The following MED13L variants were observed in gnomAD, a reference collection of about 807,000 sequenced individuals.
The protein encoded by MED13L is mediator of RNA polymerase II transcription subunit 13-like.
In MED13L, 7 loss-of-function variants were observed where a neutral mutation model predicts 220.9. The observed-to-expected ratio is 0.03, with a 90% CI of 0.02 to 0.06. MED13L has a LOEUF of 0.06. Among genes scored for constraint, MED13L ranks in the 10% least tolerant of loss-of-function variants. The pLI is 1.00. For synonymous variants in MED13L, 1,011 were observed against 1,015.2 expected, an observed-to-expected ratio of 1.00 and a Z score of 0.08; for missense variants, 1,965 against 2,760.5, an observed-to-expected ratio of 0.71 and a Z score of 6.46.
At chr12:116,103,655 C>T (rs1418949034) in intron 3 of MED13L, among the ~76,000 whole-genome samples, 1 of 152,186 alleles carries the variant, frequency 6.6e-6, no homozygotes, top group Non-Finnish European at 1.5e-5. Context: ...TAAATAGCTA[C>T]ACAGACTGAT....
chr12:116,072,805 A>G (rs1410199116), intron 4 of MED13L, among the ~76,000 whole-genome samples: 1 of 152,230 alleles, frequency 6.6e-6, no homozygotes, highest in East Asian at 1.9e-4. Context: ...TGAATTAAAT[A>G]CTGTAGTGCT....
chr12:116,109,962 A>G (rs554800292), intron 3 of MED13L, among the ~76,000 whole-genome samples: 1 of 152,322 alleles, frequency 6.6e-6, no homozygotes, highest in East Asian at 1.9e-4. Context: ...CAAGTGTCCT[A>G]AGCAGTTGTA....
intron 1 of MED13L, among the ~76,000 whole-genome samples, chr12:116,256,927 G>C (rs369871109): frequency 3.9e-5 from 6 of 151,956 alleles, no homozygotes; most frequent in African/African-American, 1.4e-4. Flanking sequence ...CGCCCACCTC[G>C]GCCTCCCAAA....
At chr12:116,180,806 C>CTA (rs1334697908) in intron 2 of MED13L, among the ~76,000 whole-genome samples, 1 of 152,118 alleles carries the variant, frequency 6.6e-6, no homozygotes, top group Non-Finnish European at 1.5e-5. Flanking sequence ...AGTAAGATAT[C>CTA]TAAAGTATCA....
chr12:116,276,718 AAAAAAGGGGGGAAAGGGGAGGAGAAGGGG>A, intron 1 of MED13L: 1 of 952,038 alleles, frequency 1.1e-6, no homozygotes, highest in Non-Finnish European at 1.4e-6. Flanking sequence ...TACGGGGGGA[AAAAAAGGGGGGAAAGGGGAGGAGAAGGGG>A]AGTGCGATTG....
Position 116,277,260 on chromosome 12 carries a change from G to A in MED13L, c.-129C>T, listed in dbSNP as rs967811121. 4.0e-5 allele frequency: 10 copies of A among 247,216 alleles called. No homozygotes were observed. Among genetic ancestry groups the A allele is most frequent in the African/African-American group, 1.9e-4 (8 of 42,314 alleles). 15.3% of individuals were successfully genotyped at this position (247,216 alleles called of 1,614,324 possible). A position where few individuals can be genotyped will look rare whatever the true frequency, so the allele number is the denominator to read the frequency against. ...CGGGCCGCCGCCGCCGCCGGGGGAG[G>A]GCGCGAGGGCCGGCGGGCAGGCGGG... On this transcript the variant is annotated 5_prime_UTR_variant, in exon 1 of 31. Transcript: ENST00000281928.
intron 2 of MED13L, among the ~76,000 whole-genome samples, chr12:116,155,503 G>A (rs1221902793): frequency 6.6e-6 from 1 of 152,066 alleles, no homozygotes; most frequent in African/African-American, 2.4e-5. Context: ...AACGATGAAA[G>A]GTCAACAGTC....
chr12:116,110,118 C>T (rs1485024981), intron 3 of MED13L: 1 of 152,132 alleles, frequency 6.6e-6, no homozygotes, highest in East Asian at 1.9e-4. Flanking sequence ...CCCATTCTTT[C>T]TCATCCACTT....
intron 4 of MED13L, among the ~76,000 whole-genome samples, chr12:116,049,178 A>G (rs1477855300): frequency 1.3e-5 from 2 of 152,186 alleles, no homozygotes; most frequent in African/African-American, 2.4e-5. Flanking sequence ...ACAAAGACAC[A>G]ACTGAAATCA....
chr12:115,990,324 G>A (rs1311567282), intron 17 of MED13L, among the ~76,000 whole-genome samples: 1 of 152,196 alleles, frequency 6.6e-6, no homozygotes, highest in Non-Finnish European at 1.5e-5. Context: ...AATAATATGC[G>A]TGCTTGTGTA....
chr12:116,034,091 T>C (rs1478318867), intron 4 of MED13L, among the ~76,000 whole-genome samples: 2 of 152,064 alleles, frequency 1.3e-5, no homozygotes, highest in Non-Finnish European at 2.9e-5. Flanking sequence ...TATTTATATT[T>C]TCCATGAAAT....
At chr12:116,087,533 T>A (rs771715572) in intron 4 of MED13L, among the ~76,000 whole-genome samples, 15 of 152,144 alleles carry the variant, frequency 9.9e-5, no homozygotes, top group African/African-American at 1.4e-4. Context: ...GATGCCACAG[T>A]CAGAAAATTT....
chr12:116,240,810 A>T (rs1363044452), intron 1 of MED13L, among the ~76,000 whole-genome samples: 1 of 151,456 alleles, frequency 6.6e-6, no homozygotes, highest in African/African-American at 2.4e-5. Flanking sequence ...TACAGGCGCG[A>T]GCCACCACGC....
chr12:116,276,349 T>TGTGTGC (rs1171651334), intron 1 of MED13L: 20 of 646,180 alleles, frequency 3.1e-5, no homozygotes, highest in African/African-American at 3.9e-5. Context: ...TGTGTGTGTG[T>TGTGTGC]GTGCGGATTC....
At chr12:116,005,728 C>T in intron 13 of MED13L, 141 bp downstream of exon 13, 1 of 1,113,824 alleles carries the variant, frequency 9.0e-7, no homozygotes, top group Non-Finnish European at 1.3e-6. Flanking sequence ...TTCCAGTATA[C>T]AGACATTTAT....
At chr12:115,997,378 C>A in intron 14 of MED13L, 148 bp from the exon 15 acceptor site, 3 of 676,234 alleles carry the variant, frequency 4.4e-6, no homozygotes, top group Non-Finnish European at 7.6e-6. Context: ...ATGGAAGTGA[C>A]TAAGAAGAAG....
intron 1 of MED13L, among the ~76,000 whole-genome samples, chr12:116,238,261 T>G (rs1187349758): frequency 6.6e-6 from 1 of 152,236 alleles, no homozygotes. Flanking sequence ...TTATCAGCAA[T>G]TTATTCATGT....
At chr12:115,980,997 C>T in intron 22 of MED13L, 59 bp from the exon 23 acceptor site, 1 of 1,449,292 alleles carries the variant, frequency 6.9e-7, no homozygotes, top group Non-Finnish European at 9.5e-7. Flanking sequence ...TGAGATCTAA[C>T]ACACTAACAA....
At chr12:116,066,986 G>T (rs1050947485) in intron 4 of MED13L, among the ~76,000 whole-genome samples, 1 of 152,048 alleles carries the variant, frequency 6.6e-6, no homozygotes, top group Non-Finnish European at 1.5e-5. Flanking sequence ...CAAAGTAAGA[G>T]ATTTTAACAA....
Sources: gnomAD v4.1 joint callset for allele counts (sites outside exome capture counted in the v4.1 genomes callset) on GRCh38, gnomAD v4.1.1 for gene constraint, MANE v1.5 for transcripts, NCBI Gene and HGNC (gene_info 2026-07-23, HGNC 2026-07-21) for gene names.